Variants in ASXL3 observed in about 807,000 individuals in gnomAD.
ASXL3 encodes the protein putative Polycomb group protein ASXL3.
A neutral mutation model predicts 170.6 loss-of-function variants in ASXL3; 34 were observed. The ratio of observed to expected loss-of-function variants is 0.20; its 90% CI spans 0.15 to 0.27. ASXL3 has a LOEUF of 0.27. Ranked by LOEUF, ASXL3 falls within the 10% of genes least tolerant of loss-of-function variation. The pLI is 1.00. For synonymous variants in ASXL3, 1,002 were observed against 989.1 expected, an observed-to-expected ratio of 1.01 and a Z score of -0.24; for missense variants, 2,592 against 2,695.3, an observed-to-expected ratio of 0.96 and a Z score of 0.85.
chr18:33,746,661 A>C lies in ASXL3; in HGVS notation c.*66A>C. 2 of 1,501,820 alleles carry C rather than the reference A, an allele frequency of 1.3e-6. No individual in the cohort carries two copies. The highest frequency in any genetic ancestry group is 1.4e-5 in the South Asian group (1 of 73,208). 93.0% of individuals were successfully genotyped at this position (1,501,820 alleles called of 1,614,324 possible). On this transcript the variant is annotated 3_prime_UTR_variant, in exon 12 of 12. Coordinates refer to ENST00000269197, the MANE Select transcript of ASXL3 (RefSeq NM_030632.3). ...AAGCCAAATAGCATCAGCAACAACA[A>C]ATAGAATAATGCAGTGGTTTCTATC...
chr18:33,729,967 G>A (rs1599552245), intron 8 of ASXL3, among the ~76,000 whole-genome samples: 1 of 152,092 alleles, frequency 6.6e-6, no homozygotes, highest in East Asian at 1.9e-4. Flanking sequence ...GGTTAGGGCT[G>A]ATTGATTATC....
At chr18:33,710,795 A>G (rs539482595) in intron 8 of ASXL3, among the ~76,000 whole-genome samples, 2 of 152,290 alleles carry the variant, frequency 1.3e-5, no homozygotes, top group East Asian at 3.9e-4. Flanking sequence ...CTTTAAACAT[A>G]TAGTTAAAAT....
At chr18:33,655,540 A>G (rs2066069824) in intron 4 of ASXL3, among the ~76,000 whole-genome samples, 1 of 152,028 alleles carries the variant, frequency 6.6e-6, no homozygotes, top group Non-Finnish European at 1.5e-5. Context: ...CTTTTAATGT[A>G]ATAAGGAAAT....
rs1225837443 is a variant in ASXL3 at position 33,748,033 on chromosome 18, C to T, written c.*1438C>T. 6.6e-6 allele frequency: 1 copy of T among 151,996 alleles called. No individual in the cohort carries two copies. Among genetic ancestry groups the T allele is most frequent in the Admixed American group, 6.6e-5 (1 of 15,258 alleles). The allele number at this position is 151,996 out of a possible 1,614,324, so 9.4% of individuals were successfully genotyped here. A position where few individuals can be genotyped will look rare whatever the true frequency, so the allele number is the denominator to read the frequency against. ...AAAGAAAACAAAAACCAACCATGCC[C>T]ATTTAACTTCAGATTACAGAGCACA... On this transcript the variant is annotated 3_prime_UTR_variant, in exon 12 of 12. Transcript: ENST00000269197.
At chr18:33,622,025 CAGTAAATGAA>C (rs1270147689) in intron 2 of ASXL3, among the ~76,000 whole-genome samples, 1 of 152,100 alleles carries the variant, frequency 6.6e-6, no homozygotes, top group Non-Finnish European at 1.5e-5. Context: ...AAAGCCCAAT[CAGTAAATGAA>C]AGCATTGTGA....
At chr18:33,602,920 G>A (rs907752753) in intron 1 of ASXL3, among the ~76,000 whole-genome samples, 5 of 150,974 alleles carry the variant, frequency 3.3e-5, no homozygotes, top group African/African-American at 4.9e-5. Flanking sequence ...CCCCAAAATC[G>A]TTTACCTTGG....
At chr18:33,622,847 C>T (rs953936244) in intron 2 of ASXL3, among the ~76,000 whole-genome samples, 4 of 152,080 alleles carry the variant, frequency 2.6e-5, no homozygotes, top group African/African-American at 9.7e-5. Flanking sequence ...GATCTTTATT[C>T]GAGGAGGCAT....
intron 8 of ASXL3, among the ~76,000 whole-genome samples, chr18:33,688,698 G>A (rs745351490): frequency 9.9e-5 from 15 of 152,146 alleles, no homozygotes; most frequent in Non-Finnish European, 2.2e-4. Flanking sequence ...CCAATCATAT[G>A]TAGGCAATAG....
At chr18:33,723,833 G>A (rs1476169648) in intron 8 of ASXL3, among the ~76,000 whole-genome samples, 1 of 152,062 alleles carries the variant, frequency 6.6e-6, no homozygotes, top group African/African-American at 2.4e-5. Flanking sequence ...AATTATCATA[G>A]CCATTCCAGC....
At chr18:33,706,083 ATAAT>A (rs2066951069) in intron 8 of ASXL3, among the ~76,000 whole-genome samples, 1 of 145,944 alleles carries the variant, frequency 6.9e-6, no homozygotes, top group Non-Finnish European at 1.5e-5. Flanking sequence ...GAGTGACATA[ATAAT>A]TCCTTATTCT....
intron 1 of ASXL3, among the ~76,000 whole-genome samples, chr18:33,584,834 GCACACA>G (rs1227779145): frequency 1.3e-5 from 2 of 151,640 alleles, no homozygotes; most frequent in African/African-American, 4.8e-5. Flanking sequence ...GTCTGTGCAT[GCACACA>G]CATACACATA....
chr18:33,675,327 A>G (rs1029771296), intron 7 of ASXL3, among the ~76,000 whole-genome samples: 1 of 152,188 alleles, frequency 6.6e-6, no homozygotes, highest in Non-Finnish European at 1.5e-5. Flanking sequence ...TTAGCCAGCC[A>G]GATAGAGACA....
chr18:33,727,316 A>G (rs2067368827), intron 8 of ASXL3, among the ~76,000 whole-genome samples: 1 of 152,128 alleles, frequency 6.6e-6, no homozygotes, highest in Admixed American at 6.6e-5. Flanking sequence ...GGTTTAAAGG[A>G]TTATTATTAA....
At chr18:33,579,388 G>A (rs2064974061) in intron 1 of ASXL3, among the ~76,000 whole-genome samples, 1 of 152,130 alleles carries the variant, frequency 6.6e-6, no homozygotes. Flanking sequence ...GTGAAGTTGG[G>A]TCAGTGTCAT....
chr18:33,654,241 T>G (rs924034230), intron 4 of ASXL3, among the ~76,000 whole-genome samples: 1 of 152,088 alleles, frequency 6.6e-6, no homozygotes, highest in Non-Finnish European at 1.5e-5. Flanking sequence ...GATCTCATAA[T>G]AAAACAACAA....
At chr18:33,654,832 A>G (rs529068876) in intron 4 of ASXL3, among the ~76,000 whole-genome samples, 3 of 152,162 alleles carry the variant, frequency 2.0e-5, no homozygotes, top group South Asian at 2.1e-4. Flanking sequence ...ACTACAATAT[A>G]TGCTTTTCCT....
intron 8 of ASXL3, among the ~76,000 whole-genome samples, chr18:33,697,587 C>T (rs904290257): frequency 6.6e-6 from 1 of 152,062 alleles, no homozygotes; most frequent in Non-Finnish European, 1.5e-5. Flanking sequence ...TATGATTTTC[C>T]AATCTGACTA....
chr18:33,617,897 C>T (rs968294370), intron 2 of ASXL3, among the ~76,000 whole-genome samples: 1 of 152,094 alleles, frequency 6.6e-6, no homozygotes, highest in African/African-American at 2.4e-5. Flanking sequence ...GAGGAATAGG[C>T]ATTTAACTGG....
At chr18:33,617,289 C>G (rs2065440019) in intron 2 of ASXL3, among the ~76,000 whole-genome samples, 1 of 152,064 alleles carries the variant, frequency 6.6e-6, no homozygotes, top group African/African-American at 2.4e-5. Context: ...GTCAGGCCTT[C>G]AAGACCAGCC....
Sources: allele counts gnomAD v4.1 joint callset (sites outside exome capture counted in the v4.1 genomes callset), GRCh38; gene constraint gnomAD v4.1.1; transcripts MANE v1.5; gene names NCBI Gene and HGNC (gene_info 2026-07-23, HGNC 2026-07-21).